Variants in EXOC4 observed in about 807,000 individuals in gnomAD.
EXOC4 encodes the protein SEC8-like 1.
EXOC4 carries 71 observed loss-of-function variants against 107.2 expected under a neutral mutation model. The observed-to-expected ratio is 0.66, with a 90% CI of 0.55 to 0.81. The LOEUF is 0.81. EXOC4 is among the 30% of genes least tolerant of loss of function. The pLI, the probability that EXOC4 is intolerant of heterozygous loss-of-function variation, is 0.00. For synonymous variants in EXOC4, 456 were observed against 441.2 expected (o/e 1.03, Z -0.42); for missense variants, 1,108 against 1,189.6 (o/e 0.93, Z 1.01).
chr7:133,917,572 G>T lies in EXOC4; in HGVS notation c.1872-11G>T. The T allele has an allele frequency of 6.2e-7, 1 of 1,611,886 alleles. No individual in the cohort carries two copies. ...ATGCTACAGTGTCTCTTTTCTATTG[G>T]CTGTGTTTAGGGGTATTGTCCAGTC... On this transcript the variant is annotated splice_polypyrimidine_tract_variant and intron_variant, in intron 12 of 17. Coordinates refer to ENST00000253861, the MANE Select transcript of EXOC4 (RefSeq NM_021807.4).
chr7:133,280,106 C>T (rs986344865), intron 2 of EXOC4, among the ~76,000 whole-genome samples: 3 of 152,128 alleles, frequency 2.0e-5, no homozygotes, highest in Non-Finnish European at 2.9e-5. Context: ...TACAGGCACT[C>T]ACAACCATGC....
At chr7:134,081,356 T>TTAAA in the EXOC4 span, among the ~76,000 whole-genome samples, 18 of 151,804 alleles carry the variant, frequency 1.2e-4, 1 homozygote, top group East Asian at 1.9e-3. Context: ...CCTCAAAAAA[T>TTAAA]TAAATAAATA....
At chr7:133,462,914 G>A (rs747351957) in intron 7 of EXOC4, among the ~76,000 whole-genome samples, 13 of 152,074 alleles carry the variant, frequency 8.5e-5, no homozygotes, top group African/African-American at 2.7e-4. Flanking sequence ...TGTGAGAGGC[G>A]CTGAATAATA....
At chr7:133,996,488 C>CT (rs989735725) in intron 14 of EXOC4, among the ~76,000 whole-genome samples, 20 of 151,818 alleles carry the variant, frequency 1.3e-4, no homozygotes, top group Middle Eastern at 3.4e-3. Flanking sequence ...TTTTGTTCAG[C>CT]TTTTTTTTGA....
intron 7 of EXOC4, among the ~76,000 whole-genome samples, chr7:133,468,447 A>G (rs1584940915): frequency 1.3e-5 from 2 of 152,334 alleles, no homozygotes; most frequent in Admixed American, 6.5e-5. Context: ...TATTCATAGT[A>G]GCTCTATGAG....
intron 10 of EXOC4, among the ~76,000 whole-genome samples, chr7:133,728,806 CA>C (rs1795268061): frequency 6.6e-6 from 1 of 152,156 alleles, no homozygotes; most frequent in South Asian, 2.1e-4. Flanking sequence ...TTTTCTCTAG[CA>C]TCCCTTCATC....
intron 10 of EXOC4, among the ~76,000 whole-genome samples, chr7:133,787,948 CATATATTTATATATTTATATATATAT>C (rs1388224682): frequency 1.3e-3 from 28 of 22,212 alleles, no homozygotes; most frequent in African/African-American, 2.8e-3. Flanking sequence ...CTTCCCTGTG[CATATATTTATATATTTATATATATAT>C]ATATATATAT....
At chr7:133,321,802 G>C (rs994379855) in intron 5 of EXOC4, among the ~76,000 whole-genome samples, 1 of 152,202 alleles carries the variant, frequency 6.6e-6, no homozygotes, top group Non-Finnish European at 1.5e-5. Context: ...TTGCCACACT[G>C]TCTTCCACAA....
At chr7:133,949,470 T>C (rs1490666964) in intron 14 of EXOC4, among the ~76,000 whole-genome samples, 1 of 152,200 alleles carries the variant, frequency 6.6e-6, no homozygotes, top group Non-Finnish European at 1.5e-5. Flanking sequence ...TAAGTGTCTT[T>C]ATAGAAGCCA....
intron 9 of EXOC4, among the ~76,000 whole-genome samples, chr7:133,616,760 A>T (rs1470254261): frequency 6.6e-6 from 1 of 152,190 alleles, no homozygotes; most frequent in African/African-American, 2.4e-5. Context: ...CATACAGTTC[A>T]TTCTCATTTA....
At chr7:133,717,526 A>G (rs936243151) in intron 10 of EXOC4, among the ~76,000 whole-genome samples, 1 of 152,146 alleles carries the variant, frequency 6.6e-6, no homozygotes, top group Admixed American at 6.5e-5. Flanking sequence ...TATTGTTTAT[A>G]TATTCATCTT....
chr7:133,294,911 A>T (rs757101218), intron 3 of EXOC4, among the ~76,000 whole-genome samples: 3 of 152,122 alleles, frequency 2.0e-5, no homozygotes, highest in Non-Finnish European at 1.5e-5. Context: ...GACTCTTAGT[A>T]GCTGGATGAC....
intron 7 of EXOC4, among the ~76,000 whole-genome samples, chr7:133,427,597 A>G (rs982424318): frequency 1.3e-5 from 2 of 152,180 alleles, no homozygotes; most frequent in Non-Finnish European, 2.9e-5. Context: ...TTTGCCATCT[A>G]CAAGTGCGTT....
intron 4 of EXOC4, among the ~76,000 whole-genome samples, chr7:133,308,719 A>T (rs1159310717): frequency 6.6e-6 from 1 of 152,236 alleles, no homozygotes; most frequent in East Asian, 1.9e-4. Context: ...AATAAAAAAA[A>T]GTTACTCTTA....
At chr7:133,918,589 G>A (rs979795974) in intron 13 of EXOC4, among the ~76,000 whole-genome samples, 3 of 152,152 alleles carry the variant, frequency 2.0e-5, no homozygotes, top group Non-Finnish European at 4.4e-5. Context: ...TTCAACAAAA[G>A]TAGAGTCTTT....
chr7:134,036,076 C>T (rs187267828), intron 17 of EXOC4, among the ~76,000 whole-genome samples: 4 of 152,292 alleles, frequency 2.6e-5, no homozygotes, highest in Non-Finnish European at 5.9e-5. Flanking sequence ...AAGACTTAAA[C>T]GTGACAACTG....
chr7:133,461,707 G>A (rs1798598046), intron 7 of EXOC4, among the ~76,000 whole-genome samples: 1 of 152,124 alleles, frequency 6.6e-6, no homozygotes, highest in African/African-American at 2.4e-5. Flanking sequence ...ACCTCAAAAA[G>A]CCTGAAGTTT....
chr7:133,600,634 T>C (rs1801784488), intron 9 of EXOC4, among the ~76,000 whole-genome samples: 1 of 152,132 alleles, frequency 6.6e-6, no homozygotes, highest in East Asian at 1.9e-4. Context: ...TCTCTTGTGT[T>C]CCAAGAATTC....
chr7:133,640,045 A>C (rs1382971368), intron 10 of EXOC4, among the ~76,000 whole-genome samples: 1 of 152,200 alleles, frequency 6.6e-6, no homozygotes, highest in Non-Finnish European at 1.5e-5. Context: ...ATACATTCAA[A>C]TGTATAAATC....
Sources: gnomAD v4.1 joint callset for allele counts (sites outside exome capture counted in the v4.1 genomes callset) on GRCh38, gnomAD v4.1.1 for gene constraint, MANE v1.5 for transcripts, NCBI Gene and HGNC (gene_info 2026-07-23, HGNC 2026-07-21) for gene names.